The following CDH18 variants were observed in gnomAD, a reference collection of about 807,000 sequenced individuals.
CDH18 encodes the protein cadherin-18.
CDH18 carries 31 observed loss-of-function variants against 67.9 expected under a neutral mutation model. The ratio of observed to expected loss-of-function variants is 0.46; its 90% CI spans 0.34 to 0.62. The LOEUF is 0.62. Ranked by LOEUF, CDH18 falls within the 20% of genes least tolerant of loss-of-function variation. The pLI is 0.01. For missense variants in CDH18, 890 were observed against 975.5 expected, an observed-to-expected ratio of 0.91 and a Z score of 1.17; for synonymous variants, 362 against 347.2, an observed-to-expected ratio of 1.04 and a Z score of -0.48.
intron 2 of CDH18, among the ~76,000 whole-genome samples, chr5:20,080,192 T>C (rs1744327991): frequency 6.6e-6 from 1 of 152,190 alleles, no homozygotes; most frequent in Admixed American, 6.5e-5. Context: ...CTTTATTCCT[T>C]TTCTTTATAC....
At chr5:20,311,414 A>G (rs933284970) in intron 1 of CDH18, among the ~76,000 whole-genome samples, 1 of 152,222 alleles carries the variant, frequency 6.6e-6, no homozygotes, top group Non-Finnish European at 1.5e-5. Context: ...CATCAATGAT[A>G]GACTAGATAA....
intron 2 of CDH18, among the ~76,000 whole-genome samples, chr5:19,944,984 C>G (rs1285366375): frequency 6.6e-6 from 1 of 152,138 alleles, no homozygotes; most frequent in African/African-American, 2.4e-5. Flanking sequence ...GCCTGCCTCT[C>G]TGGCCAAATG....
intron 1 of CDH18, among the ~76,000 whole-genome samples, chr5:20,504,187 C>T (rs930382035): frequency 1.1e-4 from 17 of 152,166 alleles, no homozygotes; most frequent in Non-Finnish European, 1.5e-4. Context: ...ACTAGTGAGA[C>T]GCTAAGTCTA....
At chr5:20,378,093 T>C (rs1425445275) in intron 1 of CDH18, among the ~76,000 whole-genome samples, 3 of 152,218 alleles carry the variant, frequency 2.0e-5, no homozygotes, top group Non-Finnish European at 4.4e-5. Flanking sequence ...GTTTTGCCTA[T>C]CTGTCTGCTT....
intron 5 of CDH18, among the ~76,000 whole-genome samples, chr5:19,624,915 A>C (rs1751284049): frequency 6.6e-6 from 1 of 152,102 alleles, no homozygotes; most frequent in Non-Finnish European, 1.5e-5. Context: ...TTATCCTGAG[A>C]GCTGTAAACA....
chr5:19,709,427 T>G (rs1253004210), intron 5 of CDH18, among the ~76,000 whole-genome samples: 1 of 151,940 alleles, frequency 6.6e-6, no homozygotes, highest in Non-Finnish European at 1.5e-5. Flanking sequence ...ATTAGCTGTG[T>G]TCAGTGGCAG....
At chr5:19,842,677 G>T (rs1461227939) in intron 2 of CDH18, among the ~76,000 whole-genome samples, 1 of 152,162 alleles carries the variant, frequency 6.6e-6, no homozygotes, top group Non-Finnish European at 1.5e-5. Flanking sequence ...ATGTGGAAGT[G>T]ACTTTGGAAC....
chr5:20,513,356 A>G (rs1755162236), intron 1 of CDH18, among the ~76,000 whole-genome samples: 1 of 152,178 alleles, frequency 6.6e-6, no homozygotes, highest in South Asian at 2.1e-4. Flanking sequence ...CTTAATTGTC[A>G]TTACAAGGAA....
intron 1 of CDH18, among the ~76,000 whole-genome samples, chr5:20,259,813 C>G (rs1248743036): frequency 6.6e-6 from 1 of 151,582 alleles, no homozygotes; most frequent in Non-Finnish European, 1.5e-5. Context: ...ACAGATGCTG[C>G]CTGGATTCTT....
At chr5:19,680,782 A>G (rs1760184598) in intron 5 of CDH18, among the ~76,000 whole-genome samples, 1 of 152,038 alleles carries the variant, frequency 6.6e-6, no homozygotes, top group Non-Finnish European at 1.5e-5. Context: ...GAGGTTGCAG[A>G]GAAAAGGGAA....
chr5:20,573,366 A>G (rs186121622), intron 1 of CDH18, among the ~76,000 whole-genome samples: 2 of 152,062 alleles, frequency 1.3e-5, no homozygotes, highest in African/African-American at 4.8e-5. Flanking sequence ...TTTTAATTGC[A>G]TATAAGCCAA....
chr5:20,534,651 A>C (rs572602176), intron 1 of CDH18, among the ~76,000 whole-genome samples: 49 of 152,158 alleles, frequency 3.2e-4, no homozygotes, highest in African/African-American at 1.2e-3. Flanking sequence ...TAAATTTGGA[A>C]CTATGTAGCT....
chr5:19,919,927 T>C (rs1792244835), intron 2 of CDH18, among the ~76,000 whole-genome samples: 1 of 152,302 alleles, frequency 6.6e-6, no homozygotes, highest in South Asian at 2.1e-4. Flanking sequence ...GTCATATCTA[T>C]GTTAATTATC....
intron 1 of CDH18, among the ~76,000 whole-genome samples, chr5:20,508,475 TTAAG>T (rs1754802333): frequency 6.6e-6 from 1 of 150,866 alleles, no homozygotes; most frequent in African/African-American, 2.4e-5. Context: ...TCAAGTATAA[TTAAG>T]TAGAGTTTAT....
At chr5:19,799,073 C>T (rs1581399860) in intron 3 of CDH18, among the ~76,000 whole-genome samples, 1 of 152,022 alleles carries the variant, frequency 6.6e-6, no homozygotes, top group East Asian at 1.9e-4. Flanking sequence ...GGTATCTCTT[C>T]ATGATGCTGA....
rs550783407 is a variant in CDH18 at position 19,860,433 on chromosome 5, C to CT, written c.-256-21192dup. ...CTCATTGCCTTCTTTTCTTCTTCTT[C>CT]TTTTTTTTTTTTCCTATTATGGCAC... On this transcript the variant is annotated intron_variant, in intron 2 of 12. Coordinates refer to ENST00000382275, the MANE Select transcript of CDH18 (RefSeq NM_004934.5). Among the ~76,000 whole-genome samples, 966 of 142,418 alleles carry CT rather than the reference C, an allele frequency of 6.8e-3. 5 individuals carry two copies. The highest frequency in any genetic ancestry group is 0.015 in the African/African-American group (586 of 39,280). The allele number at this position is 142,418 out of a possible 152,430, so 93.4% of individuals were successfully genotyped here. A position where few individuals can be genotyped will look rare whatever the true frequency, so the allele number is the denominator to read the frequency against.
At position 19,917,451 on chromosome 5, in the gene CDH18, T is replaced by C. The variant is rs943451648; in HGVS notation, c.-257+63609A>G. The stretch of plus-strand genomic sequence containing the variant: ...TTAAACTACTTTTAGCAACTAGGTA[T>C]GTTAGTTTCCTGCAATATGGTCTAA... On this transcript the variant is annotated intron_variant, in intron 2 of 12. Coordinates refer to ENST00000382275, the MANE Select transcript of CDH18 (RefSeq NM_004934.5). Among the ~76,000 whole-genome samples the C allele has an allele frequency of 2.6e-5, 4 of 152,056 alleles. No individual in the cohort carries two copies. In the South Asian group the frequency reaches 8.3e-4, roughly 31 times the overall value.
chr5:19,980,136 A>T (rs1798890033), intron 2 of CDH18, among the ~76,000 whole-genome samples: 1 of 152,164 alleles, frequency 6.6e-6, no homozygotes, highest in Non-Finnish European at 1.5e-5. Context: ...ATGTACACAA[A>T]TCAGTAGTTC....
chr5:20,001,887 G>A (rs780932855), intron 2 of CDH18, among the ~76,000 whole-genome samples: 6 of 152,008 alleles, frequency 3.9e-5, no homozygotes, highest in Admixed American at 2.6e-4. Flanking sequence ...GGTTATTCCC[G>A]GAACTCTGCA....
Sources: gnomAD v4.1 joint callset for allele counts (sites outside exome capture counted in the v4.1 genomes callset) on GRCh38, gnomAD v4.1.1 for gene constraint, MANE v1.5 for transcripts, NCBI Gene and HGNC (gene_info 2026-07-23, HGNC 2026-07-21) for gene names.